The following EXOC4 variants were observed in gnomAD, a reference collection of about 807,000 sequenced individuals.
The protein encoded by EXOC4 is exocyst complex component 4.
Under a neutral mutation model 107.2 loss-of-function variants are expected in EXOC4, and 71 were observed. The observed-to-expected ratio is 0.66, with a 90% CI of 0.55 to 0.81. The LOEUF (loss-of-function observed/expected upper bound fraction) is 0.81. EXOC4 is among the 30% of genes least tolerant of loss of function. The pLI, the probability that EXOC4 is intolerant of heterozygous loss-of-function variation, is 0.00. For missense variants in EXOC4, 1,108 were observed against 1,189.6 expected, an observed-to-expected ratio of 0.93 and a Z score of 1.01; for synonymous variants, 456 against 441.2, an observed-to-expected ratio of 1.03 and a Z score of -0.42.
chr7:133,356,562 G>C lies in EXOC4; in HGVS notation c.996G>C (p.Glu332Asp), dbSNP rs370517844. The C allele has an allele frequency of 1.2e-5, 19 of 1,613,934 alleles. No homozygotes were observed. Among genetic ancestry groups the C allele is most frequent in the South Asian group, 8.8e-5 (8 of 91,070 alleles). ...GYQRGENVTV[E>D]NQPRLLLELL... ...AGCGGGGGGAGAACGTTACTGTGGA[G>C]AACCAACCAAGGTAGGTGGGAGTGT... Residue 332 changes from glutamate (E) to aspartate (D), a missense_variant, in exon 6 of 18, where the codon GAG becomes GAC. Transcript: ENST00000253861.
At chr7:133,760,830 G>A (rs1267731186) in intron 10 of EXOC4, among the ~76,000 whole-genome samples, 1 of 151,968 alleles carries the variant, frequency 6.6e-6, no homozygotes, top group Non-Finnish European at 1.5e-5. Flanking sequence ...AAAGTTCTGT[G>A]TAACAAAAGT....
intron 13 of EXOC4, among the ~76,000 whole-genome samples, chr7:133,933,728 C>G (rs1800232931): frequency 6.6e-6 from 1 of 152,174 alleles, no homozygotes. Flanking sequence ...GCCACCAGTC[C>G]AGACCAGCTT....
intron 2 of EXOC4, among the ~76,000 whole-genome samples, chr7:133,286,646 A>AC (rs1794284776): frequency 6.6e-6 from 1 of 152,224 alleles, no homozygotes; most frequent in Non-Finnish European, 1.5e-5. Flanking sequence ...CTATCTGTAT[A>AC]GGTCTTCACT....
intron 7 of EXOC4, among the ~76,000 whole-genome samples, chr7:133,471,944 G>C (rs1214165693): frequency 6.6e-6 from 1 of 152,194 alleles, no homozygotes; most frequent in East Asian, 1.9e-4. Flanking sequence ...TAGCCAACTA[G>C]AGTGGCCTGG....
rs1794671874 is a variant in EXOC4, at chr7:133,302,921, A to G, written c.472-2956A>G. Among the ~76,000 whole-genome samples the G allele has an allele frequency of 2.0e-5, 3 of 152,328 alleles. No individual in the cohort carries two copies. In the South Asian group the frequency reaches 6.2e-4, roughly 32 times the overall value. On this transcript the variant is annotated intron_variant, in intron 3 of 17. Transcript: ENST00000253861. ...TTTATACAATGACCACTTCCCATAC[A>G]TTAAAACAATCTTTTTATCATTAAT...
chr7:134,054,416 A>T (rs1795873949), intron 17 of EXOC4, among the ~76,000 whole-genome samples: 1 of 152,132 alleles, frequency 6.6e-6, no homozygotes, highest in African/African-American at 2.4e-5. Flanking sequence ...TTTTTCTAAG[A>T]TGACTCCCCT....
At chr7:134,030,635 C>A (rs1187577019) in intron 17 of EXOC4, among the ~76,000 whole-genome samples, 1 of 152,104 alleles carries the variant, frequency 6.6e-6, no homozygotes, top group Non-Finnish European at 1.5e-5. Context: ...GGAGCAAATA[C>A]ACTTTGTGGG....
chr7:133,737,665 G>A (rs1286616188), intron 10 of EXOC4, among the ~76,000 whole-genome samples: 1 of 151,996 alleles, frequency 6.6e-6, no homozygotes, highest in African/African-American at 2.4e-5. Context: ...TGCGACCTTT[G>A]TGTAGCAGAT....
intron 9 of EXOC4, among the ~76,000 whole-genome samples, chr7:133,539,596 G>A (rs1800341274): frequency 6.6e-6 from 1 of 150,748 alleles, no homozygotes; most frequent in African/African-American, 2.4e-5. Context: ...TGTGGGGTGG[G>A]GGGGTATATA....
intron 5 of EXOC4, among the ~76,000 whole-genome samples, chr7:133,328,311 C>G (rs749650964): frequency 6.6e-6 from 1 of 152,016 alleles, no homozygotes; most frequent in Non-Finnish European, 1.5e-5. Context: ...TTATTTGAGC[C>G]TATGTGTGTC....
At chr7:133,254,125 TTTC>T (rs1794958606) in intron 1 of EXOC4, 1 of 152,198 alleles carries the variant, frequency 6.6e-6, no homozygotes, top group Admixed American at 6.5e-5. Context: ...TTGATCATCT[TTTC>T]AAAACCCAGG....
intron 9 of EXOC4, among the ~76,000 whole-genome samples, chr7:133,490,692 G>A (rs960398538): frequency 1.3e-5 from 2 of 152,082 alleles, no homozygotes; most frequent in African/African-American, 4.8e-5. Flanking sequence ...TATTATGAAT[G>A]GCTTTGGCCA....
the EXOC4 span, among the ~76,000 whole-genome samples, chr7:134,092,014 A>G: frequency 6.6e-6 from 1 of 152,210 alleles, no homozygotes; most frequent in South Asian, 2.1e-4. Flanking sequence ...ATATTCCAAA[A>G]TCCAAAACAA....
chr7:134,021,388 C>G (rs1295979454), intron 17 of EXOC4, among the ~76,000 whole-genome samples: 2 of 152,132 alleles, frequency 1.3e-5, no homozygotes, highest in Admixed American at 6.5e-5. Context: ...TAGACGCTGG[C>G]TACTGCTTTT....
intron 9 of EXOC4, among the ~76,000 whole-genome samples, chr7:133,560,707 T>A (rs1221166515): frequency 6.6e-6 from 1 of 152,210 alleles, no homozygotes; most frequent in Non-Finnish European, 1.5e-5. Flanking sequence ...TCTGCTTAAT[T>A]AAATAAAACT....
chr7:133,655,067 C>G (rs1288348711), intron 10 of EXOC4, among the ~76,000 whole-genome samples: 1 of 152,064 alleles, frequency 6.6e-6, no homozygotes, highest in African/African-American at 2.4e-5. Context: ...TATTACTGAA[C>G]AGTATTGTAA....
intron 9 of EXOC4, among the ~76,000 whole-genome samples, chr7:133,613,376 C>T (rs113324500): frequency 2.0e-5 from 3 of 152,134 alleles, no homozygotes; most frequent in Admixed American, 6.6e-5. Flanking sequence ...TCAAGCGTTG[C>T]GAGTGTTTGC....
chr7:133,895,333 C>T (rs1563047247), intron 11 of EXOC4: 2 of 354,300 alleles, frequency 5.6e-6, no homozygotes, highest in South Asian at 4.8e-5. Context: ...CTGTCTGGCA[C>T]TCCCTAGTGA....
At chr7:133,305,207 T>C (rs1401095320) in intron 3 of EXOC4, among the ~76,000 whole-genome samples, 1 of 152,176 alleles carries the variant, frequency 6.6e-6, no homozygotes, top group Non-Finnish European at 1.5e-5. Flanking sequence ...CCTTTTGTCT[T>C]GAAAATCTCC....
Sources: gnomAD v4.1 joint callset for allele counts (sites outside exome capture counted in the v4.1 genomes callset) on GRCh38, gnomAD v4.1.1 for gene constraint, MANE v1.5 for transcripts, NCBI Gene and HGNC (gene_info 2026-07-23, HGNC 2026-07-21) for gene names.